THSD7A: variants seen among roughly 807,000 people sequenced by gnomAD.
THSD7A encodes thrombospondin type-1 domain-containing protein 7A.
THSD7A carries 96 observed loss-of-function variants against 231.3 expected under a neutral mutation model. The ratio of observed to expected loss-of-function variants is 0.41; its 90% CI spans 0.35 to 0.49. The LOEUF is 0.49. THSD7A is among the 20% of genes least tolerant of loss of function. The probability of loss-of-function intolerance (pLI) is 0.05; values close to 1 mark genes in which losing one functional copy is unlikely to be tolerated. For synonymous variants in THSD7A, 940 were observed against 743.3 expected (o/e 1.26, Z -4.30); for missense variants, 2,290 against 2,070.2 (o/e 1.11, Z -2.06).
intron 1 of THSD7A, among the ~76,000 whole-genome samples, chr7:11,662,081 A>G (rs1003085606): frequency 6.6e-6 from 1 of 151,272 alleles, no homozygotes; most frequent in Non-Finnish European, 1.5e-5. Context: ...AGTTGGAAAA[A>G]ATAAAAAATA....
chr7:11,696,954 A>G (rs1430652943), intron 1 of THSD7A, among the ~76,000 whole-genome samples: 2 of 151,378 alleles, frequency 1.3e-5, no homozygotes, highest in Admixed American at 6.6e-5. Flanking sequence ...GAAGCTCAAG[A>G]AGACTGGAAA....
chr7:11,447,940 T>C (rs977417345), intron 11 of THSD7A, among the ~76,000 whole-genome samples: 1 of 152,116 alleles, frequency 6.6e-6, no homozygotes, highest in Non-Finnish European at 1.5e-5. Context: ...CAGGAAGGTG[T>C]GCTTATAGAA....
chr7:11,560,161 G>T (rs1404224301), intron 4 of THSD7A, among the ~76,000 whole-genome samples: 1 of 152,042 alleles, frequency 6.6e-6, no homozygotes, highest in African/African-American at 2.4e-5. Context: ...GCAAGCCGAA[G>T]AATATATTTT....
chr7:11,778,144 G>A (rs550538451), intron 1 of THSD7A, among the ~76,000 whole-genome samples: 1 of 62,272 alleles, frequency 1.6e-5, no homozygotes, highest in South Asian at 6.6e-4. Context: ...GCGACAGAGC[G>A]AGACTCCGTC....
chr7:11,759,603 T>C (rs1782791390), intron 1 of THSD7A, among the ~76,000 whole-genome samples: 1 of 152,050 alleles, frequency 6.6e-6, no homozygotes, highest in Non-Finnish European at 1.5e-5. Context: ...TCAGTTCTCA[T>C]ATTCAGAAAG....
At chr7:11,584,833 T>C (rs1172280631) in intron 4 of THSD7A, among the ~76,000 whole-genome samples, 1 of 152,204 alleles carries the variant, frequency 6.6e-6, no homozygotes, top group Admixed American at 6.5e-5. Flanking sequence ...TCTATTCAAA[T>C]TCAGAGGTGT....
intron 6 of THSD7A, among the ~76,000 whole-genome samples, chr7:11,498,242 C>G (rs1053741039): frequency 6.6e-5 from 10 of 152,188 alleles, no homozygotes; most frequent in African/African-American, 2.2e-4. Flanking sequence ...TAAGAAGGAG[C>G]TCTCAGAGAG....
Position 11,564,966 on chromosome 7 carries a change from A to G in THSD7A, c.1454-21849T>C, listed in dbSNP as rs536327228. ...TTTAAATTTCACAAATTGTATCAAC[A>G]GCTTGTTGGGGATATGACTCTTCTA... On this transcript the variant is annotated intron_variant, in intron 4 of 27. Coordinates refer to ENST00000423059, the MANE Select transcript of THSD7A (RefSeq NM_015204.3). 3.9e-3 allele frequency among the ~76,000 whole-genome samples: 595 copies of G among 152,282 alleles called. 10 individuals carry two copies. Among genetic ancestry groups the G allele is most frequent in the Non-Finnish European group, 7.8e-4 (53 of 68,020 alleles).
At chr7:11,688,670 G>A (rs1400833337) in intron 1 of THSD7A, among the ~76,000 whole-genome samples, 1 of 151,774 alleles carries the variant, frequency 6.6e-6, no homozygotes, top group Non-Finnish European at 1.5e-5. Context: ...CAAATGTTCT[G>A]AATAGGAGAA....
intron 14 of THSD7A, 118 bp downstream of exon 14, chr7:11,428,829 G>T: frequency 2.6e-6 from 3 of 1,174,760 alleles, no homozygotes; most frequent in Non-Finnish European, 3.6e-6. Context: ...CATTCTAATG[G>T]TAAAAATGGG....
chr7:11,579,364 G>A (rs190362022), intron 4 of THSD7A, among the ~76,000 whole-genome samples: 63 of 152,286 alleles, frequency 4.1e-4, no homozygotes, highest in Middle Eastern at 3.4e-3. Context: ...TAGCAGGAGT[G>A]TGCCTCTGAA....
At chr7:11,523,238 G>C (rs915468008) in intron 6 of THSD7A, among the ~76,000 whole-genome samples, 42 of 152,056 alleles carry the variant, frequency 2.8e-4, no homozygotes, top group African/African-American at 1.0e-3. Context: ...CCTGATTCTT[G>C]ATCTCTAAAA....
At chr7:11,502,934 A>T (rs1305372210) in intron 6 of THSD7A, among the ~76,000 whole-genome samples, 5 of 152,186 alleles carry the variant, frequency 3.3e-5, no homozygotes, top group Non-Finnish European at 7.4e-5. Flanking sequence ...AACATTCTTG[A>T]CATTCTTCAT....
Position 11,419,016 on chromosome 7 carries a change from A to G in THSD7A, c.3384-1413T>C, listed in dbSNP as rs541399237. On this transcript the variant is annotated intron_variant, in intron 16 of 27. Transcript: ENST00000423059. ...GTTATGGTGACAGCAGCTTAGAGAC[A>G]TGTTGCAGACAGGACATTTCAGTGC... 1.3e-3 allele frequency among the ~76,000 whole-genome samples: 194 copies of G among 152,306 alleles called. 1 individual carries two copies. The highest frequency in any genetic ancestry group is 0.01 in the Middle Eastern group (3 of 294).
At chr7:11,777,189 A>G (rs1783435663) in intron 1 of THSD7A, among the ~76,000 whole-genome samples, 1 of 152,192 alleles carries the variant, frequency 6.6e-6, no homozygotes, top group Non-Finnish European at 1.5e-5. Flanking sequence ...ATGTGAACTC[A>G]TATTTGTCTC....
intron 26 of THSD7A, chr7:11,376,964 T>C (rs1442814211): frequency 4.8e-6 from 1 of 206,838 alleles, no homozygotes; most frequent in African/African-American, 2.3e-5. Flanking sequence ...AATACATGTG[T>C]AATGCTATAT....
Position 11,590,510 on chromosome 7 carries a change from T to A in THSD7A, c.1403A>T (p.Gln468Leu). Residue 468 changes from glutamine to leucine, a missense_variant, in exon 4 of 28, where the codon CAG becomes CTG. Coordinates refer to ENST00000423059, the MANE Select transcript of THSD7A (RefSeq NM_015204.3). The surrounding 1 kb of genome is among the most constrained non-coding windows in gnomAD (Gnocchi z 4.4). ...GIQTREVYCV[Q>L]ANENLLSQLS... ...TTGTGAGAGGAGGTTTTCGTTGGCC[T>A]GCACGCAGTACACCTCTCGGGTCTG... 1.9e-6 allele frequency: 3 copies of A among 1,613,830 alleles called. No individual in the cohort carries two copies. The highest frequency in any genetic ancestry group is 2.5e-6 in the Non-Finnish European group (3 of 1,179,814).
At chr7:11,729,640 AAGCAGATTTAAAGGT>A (rs1196567124) in intron 1 of THSD7A, among the ~76,000 whole-genome samples, 10 of 151,814 alleles carry the variant, frequency 6.6e-5, no homozygotes, top group African/African-American at 1.9e-4. Context: ...AACTTAAAAG[AAGCAGATTTAAAGGT>A]AGCAGATTTA....
At chr7:11,439,984 C>T (rs1784753034) in intron 13 of THSD7A, among the ~76,000 whole-genome samples, 1 of 151,996 alleles carries the variant, frequency 6.6e-6, no homozygotes, top group Non-Finnish European at 1.5e-5. Context: ...GAGGAAAAGT[C>T]AATGGCTGGC....
Sources: gnomAD v4.1 joint callset for allele counts (sites outside exome capture counted in the v4.1 genomes callset) on GRCh38, gnomAD v4.1.1 for gene constraint, Gnocchi (gnomAD v3.1) non-coding constraint, MANE v1.5 for transcripts, NCBI Gene and HGNC (gene_info 2026-07-23, HGNC 2026-07-21) for gene names.